The following EFCAB6 variants were observed in gnomAD, a reference collection of about 807,000 sequenced individuals.
EFCAB6 encodes EF-hand calcium binding domain 6, also known as EF-hand calcium-binding domain-containing protein 6.
Under a neutral mutation model 169.8 loss-of-function variants are expected in EFCAB6, and 156 were observed. The observed-to-expected ratio is 0.92, with a 90% CI of 0.81 to 1.05. The LOEUF is 1.05. Ranked by LOEUF, EFCAB6 falls within the 50% of genes least tolerant of loss-of-function variation. The pLI is 0.00. For synonymous variants in EFCAB6, 698 were observed against 676.4 expected (o/e 1.03, Z -0.50); for missense variants, 1,800 against 1,829.1 (o/e 0.98, Z 0.29).
chr22:43,735,728 GAAATA>G, intron 7 of EFCAB6, 124 bp downstream of exon 7: 1 of 1,141,278 alleles, frequency 8.8e-7, no homozygotes, highest in Non-Finnish European at 1.2e-6. Flanking sequence ...GCCTCTTTGA[GAAATA>G]AGGTGTGTGT....
intron 23 of EFCAB6, among the ~76,000 whole-genome samples, chr22:43,592,230 T>G (rs1178061030): frequency 6.6e-6 from 1 of 152,200 alleles, no homozygotes; most frequent in African/African-American, 2.4e-5. Flanking sequence ...TCCTTTGCCT[T>G]GCTGGCCTCC....
chr22:43,686,890 A>G (rs2058216365), intron 11 of EFCAB6, among the ~76,000 whole-genome samples: 1 of 152,156 alleles, frequency 6.6e-6, no homozygotes, highest in South Asian at 2.1e-4. Context: ...CTAAAATTTC[A>G]TATTATTAAA....
intron 27 of EFCAB6, among the ~76,000 whole-genome samples, chr22:43,547,116 G>A (rs1423403452): frequency 6.6e-6 from 1 of 151,998 alleles, no homozygotes; most frequent in Non-Finnish European, 1.5e-5. Flanking sequence ...AATTTGTGGA[G>A]AAAAAACAAG....
chr22:43,575,513 C>A (rs937991394), intron 26 of EFCAB6, among the ~76,000 whole-genome samples: 1 of 151,812 alleles, frequency 6.6e-6, no homozygotes, highest in Non-Finnish European at 1.5e-5. Context: ...TTTATAGCAG[C>A]TTAAGTGCAT....
At chr22:43,561,887 T>C (rs1449636485) in intron 26 of EFCAB6, among the ~76,000 whole-genome samples, 1 of 152,150 alleles carries the variant, frequency 6.6e-6, no homozygotes, top group African/African-American at 2.4e-5. Context: ...AACTGCGCTT[T>C]ACATCAAAGG....
In EFCAB6 at chr22:43,795,469, C is replaced by T. The variant is rs1015031867; in HGVS notation, c.-7-13144G>A. ...GAGGAGCTGCCTCCTGCCCACATCT[C>T]CCCTCTCACGGCCCCATGGGTCCCT... On this transcript the variant is annotated intron_variant, in intron 2 of 31. Transcript: ENST00000262726. This position sits in a 1 kb window ranked among gnomAD's most constrained non-coding sequence, Gnocchi z 4.2. Among the ~76,000 whole-genome samples, 1 of 152,140 alleles carries T rather than the reference C, an allele frequency of 6.6e-6. No homozygotes were observed. The highest frequency in any genetic ancestry group is 2.4e-5 in the African/African-American group (1 of 41,430).
intron 8 of EFCAB6, among the ~76,000 whole-genome samples, chr22:43,723,337 G>C (rs368020186): frequency 6.6e-6 from 1 of 152,118 alleles, no homozygotes; most frequent in East Asian, 1.9e-4. Context: ...AGAAATGGAG[G>C]GGGTGTGGAT....
intron 10 of EFCAB6, among the ~76,000 whole-genome samples, chr22:43,690,343 C>CAAAAAAAAA: frequency 2.1e-3 from 202 of 94,482 alleles, no homozygotes; most frequent in East Asian, 6.2e-3. Flanking sequence ...ACTAAAAATA[C>CAAAAAAAAA]AAAAAAAAAA....
chr22:43,667,547 T>C (rs570955208), intron 16 of EFCAB6, among the ~76,000 whole-genome samples: 1 of 152,096 alleles, frequency 6.6e-6, no homozygotes, highest in Admixed American at 6.6e-5. Context: ...GAGAGAATAT[T>C]ATGGTCCTCG....
chr22:43,575,693 A>G (rs559247872), intron 26 of EFCAB6, among the ~76,000 whole-genome samples: 1 of 152,304 alleles, frequency 6.6e-6, no homozygotes, highest in Non-Finnish European at 1.5e-5. Context: ...AGATGAAAAA[A>G]AAAATCACAA....
At chr22:43,641,442 C>G (rs1446466334) in intron 17 of EFCAB6, among the ~76,000 whole-genome samples, 1 of 151,944 alleles carries the variant, frequency 6.6e-6, no homozygotes, top group Non-Finnish European at 1.5e-5. Flanking sequence ...ATGGTGAAAC[C>G]CTGTCTCTAC....
intron 22 of EFCAB6, among the ~76,000 whole-genome samples, chr22:43,604,703 T>A (rs1457413440): frequency 6.6e-6 from 1 of 152,178 alleles, no homozygotes; most frequent in African/African-American, 2.4e-5. Flanking sequence ...ACCATGGGTT[T>A]TTTTTTTGTC....
rs190946958 is a variant in EFCAB6, at chr22:43,773,645, C to T, written c.140-542G>A. The stretch of plus-strand genomic sequence containing the variant: ...GGCGGATCACCTGAGGTCAGGAGTT[C>T]GAGACCAGCCTGGCCAACATGGCGA... On this transcript the variant is annotated intron_variant, in intron 3 of 31. Coordinates refer to ENST00000262726, the MANE Select transcript of EFCAB6 (RefSeq NM_022785.4). 2.7e-3 allele frequency among the ~76,000 whole-genome samples: 413 copies of T among 152,274 alleles called. 2 individuals are homozygous for T. The highest frequency in any genetic ancestry group is 4.1e-3 in the Admixed American group (62 of 15,292).
intron 10 of EFCAB6, among the ~76,000 whole-genome samples, chr22:43,690,343 C>CAAAAAAAAAAAAA (rs137802): frequency 1.0e-5 from 1 of 95,838 alleles, no homozygotes. Flanking sequence ...ACTAAAAATA[C>CAAAAAAAAAAAAA]AAAAAAAAAA....
chr22:43,703,906 G>A (rs1471676825), intron 10 of EFCAB6, among the ~76,000 whole-genome samples: 3 of 145,216 alleles, frequency 2.1e-5, no homozygotes. Flanking sequence ...ACACATAATA[G>A]AAATTCAAGA....
chr22:43,778,135 T>C (rs1161798854), intron 3 of EFCAB6, among the ~76,000 whole-genome samples: 1 of 152,194 alleles, frequency 6.6e-6, no homozygotes, highest in Non-Finnish European at 1.5e-5. Context: ...CTTCCAGCCC[T>C]GTGGCACAGT....
intron 27 of EFCAB6, among the ~76,000 whole-genome samples, chr22:43,550,189 G>T (rs541105082): frequency 6.6e-6 from 1 of 152,100 alleles, no homozygotes; most frequent in African/African-American, 2.4e-5. Flanking sequence ...AGCCTGGGGG[G>T]TACTGTGCAT....
intron 24 of EFCAB6, among the ~76,000 whole-genome samples, chr22:43,584,005 T>A (rs924411181): frequency 5.9e-5 from 9 of 152,166 alleles, no homozygotes; most frequent in Non-Finnish European, 1.2e-4. Flanking sequence ...TTTCCTTCAT[T>A]ACCTGGATAC....
At chr22:43,668,654 G>C (rs1365177055) in intron 16 of EFCAB6, among the ~76,000 whole-genome samples, 1 of 152,142 alleles carries the variant, frequency 6.6e-6, no homozygotes, top group African/African-American at 2.4e-5. Context: ...TCAGACATCA[G>C]TGTTTTCATT....
Sources: gnomAD v4.1 joint callset for allele counts (sites outside exome capture counted in the v4.1 genomes callset) on GRCh38, gnomAD v4.1.1 for gene constraint, Gnocchi (gnomAD v3.1) non-coding constraint, MANE v1.5 for transcripts, NCBI Gene and HGNC (gene_info 2026-07-23, HGNC 2026-07-21) for gene names.